CAMTA1: variants seen among roughly 807,000 people sequenced by gnomAD.
The protein encoded by CAMTA1 is calmodulin binding transcription activator 1, also known as calmodulin-binding transcription activator 1.
In CAMTA1, 27 loss-of-function variants were observed where a neutral mutation model predicts 170.9. The observed-to-expected ratio is 0.16, with a 90% CI of 0.12 to 0.22. The LOEUF (loss-of-function observed/expected upper bound fraction) is 0.22. Ranked by LOEUF, CAMTA1 falls within the 10% of genes least tolerant of loss-of-function variation. CAMTA1 has a pLI of 1.00. For missense variants in CAMTA1, 1,619 were observed against 2,217.2 expected, an observed-to-expected ratio of 0.73 and a Z score of 5.42; for synonymous variants, 833 against 891.5, an observed-to-expected ratio of 0.93 and a Z score of 1.17.
intron 6 of CAMTA1, among the ~76,000 whole-genome samples, chr1:7,606,475 G>T (rs552153469): frequency 6.6e-6 from 1 of 152,324 alleles, no homozygotes; most frequent in African/African-American, 2.4e-5. Context: ...TAAATAACCA[G>T]AAACTTGCTG....
intron 4 of CAMTA1, among the ~76,000 whole-genome samples, chr1:7,245,484 CTAGA>C (rs1463131144): frequency 1.3e-5 from 2 of 151,736 alleles, no homozygotes; most frequent in Admixed American, 6.6e-5. Flanking sequence ...TCTTTCTTGG[CTAGA>C]TAATTAAAAT....
intron 4 of CAMTA1, among the ~76,000 whole-genome samples, chr1:7,204,559 T>C (rs549618161): frequency 1.8e-4 from 27 of 152,248 alleles, no homozygotes; most frequent in Non-Finnish European, 3.4e-4. Flanking sequence ...TATTGAGGTA[T>C]GTTTTATGGC....
At position 7,732,363 on chromosome 1, in the gene CAMTA1, G is replaced by A; in HGVS notation, c.2915-85G>A. The A allele has an allele frequency of 8.5e-7, 1 of 1,178,876 alleles. No homozygotes were observed. Among genetic ancestry groups the A allele is most frequent in the East Asian group, 2.4e-5 (1 of 42,466 alleles). 73.0% of individuals were successfully genotyped at this position (1,178,876 alleles called of 1,614,324 possible). ...GTGAAGTTACGGACGGCATTTGGATGCTGGTCCCGCAAGGCTGGCGAGGCC... is the reference window on the plus strand; with the variant it reads ...GTGAAGTTACGGACGGCATTTGGATACTGGTCCCGCAAGGCTGGCGAGGCC... On this transcript the variant is annotated intron_variant, in intron 11 of 22. Coordinates refer to ENST00000303635, the MANE Select transcript of CAMTA1 (RefSeq NM_015215.4). This position sits in a 1 kb window ranked among gnomAD's most constrained non-coding sequence, Gnocchi z 4.1.
chr1:7,684,099 A>C (rs886785127), intron 11 of CAMTA1, among the ~76,000 whole-genome samples: 3 of 152,162 alleles, frequency 2.0e-5, no homozygotes, highest in Non-Finnish European at 4.4e-5. Flanking sequence ...GCCTCCTTGG[A>C]GCAGTGGCAA....
intron 3 of CAMTA1, among the ~76,000 whole-genome samples, chr1:6,967,436 G>A (rs1054464839): frequency 9.2e-5 from 14 of 152,110 alleles, no homozygotes; most frequent in African/African-American, 3.1e-4. Flanking sequence ...CCCCACCCGC[G>A]AATGTGGCCT....
chr1:7,211,838 C>T (rs1658823805), intron 4 of CAMTA1, among the ~76,000 whole-genome samples: 1 of 152,178 alleles, frequency 6.6e-6, no homozygotes, highest in South Asian at 2.1e-4. Context: ...TACACAAACA[C>T]ATATATATCC....
chr1:6,885,605 A>G (rs951772163), intron 3 of CAMTA1, among the ~76,000 whole-genome samples: 1 of 152,220 alleles, frequency 6.6e-6, no homozygotes, highest in Non-Finnish European at 1.5e-5. Context: ...CAGGCTGCAG[A>G]GTCCACATGC....
At chr1:7,080,373 A>T (rs985798734) in intron 3 of CAMTA1, among the ~76,000 whole-genome samples, 1 of 152,198 alleles carries the variant, frequency 6.6e-6, no homozygotes, top group African/African-American at 2.4e-5. Context: ...GCTGGCATCT[A>T]GGAAACTTGC....
chr1:7,067,017 G>T lies in CAMTA1; in HGVS notation c.235-24287G>T, dbSNP rs564123058. ...ATATGTAAGCAGTTGACTCCTGCTG[G>T]ATGGGCACATAAACTGGGTGTCATG... is the stretch of plus-strand genomic sequence containing the variant. On this transcript the variant is annotated intron_variant, in intron 3 of 22. Coordinates refer to ENST00000303635, the MANE Select transcript of CAMTA1 (RefSeq NM_015215.4). This position sits in a 1 kb window ranked among gnomAD's most constrained non-coding sequence, Gnocchi z 4.3. 1.4e-3 allele frequency among the ~76,000 whole-genome samples: 206 copies of T among 152,362 alleles called. No individual in the cohort carries two copies. Among genetic ancestry groups the T allele is most frequent in the Non-Finnish European group, 2.5e-3 (169 of 68,034 alleles).
intron 3 of CAMTA1, among the ~76,000 whole-genome samples, chr1:7,027,207 A>G (rs1156320388): frequency 6.6e-6 from 1 of 152,150 alleles, no homozygotes; most frequent in Non-Finnish European, 1.5e-5. Flanking sequence ...AAAGTAGAAA[A>G]AAAAGAAATG....
chr1:7,658,144 C>A (rs958006467), intron 7 of CAMTA1, among the ~76,000 whole-genome samples: 19 of 152,218 alleles, frequency 1.2e-4, no homozygotes, highest in Admixed American at 2.0e-4. Flanking sequence ...GAAAACAGCT[C>A]ATCTCCACAG....
chr1:7,302,231 T>C (rs1674877558), intron 5 of CAMTA1, among the ~76,000 whole-genome samples: 1 of 152,190 alleles, frequency 6.6e-6, no homozygotes, highest in Non-Finnish European at 1.5e-5. Context: ...CTGGCTGGCA[T>C]TGGGCTTCTG....
At chr1:7,531,070 G>A (rs568532872) in intron 6 of CAMTA1, among the ~76,000 whole-genome samples, 1 of 151,236 alleles carries the variant, frequency 6.6e-6, no homozygotes, top group South Asian at 2.1e-4. Context: ...GTATGCCTCG[G>A]CCTCCCAAAA....
intron 3 of CAMTA1, among the ~76,000 whole-genome samples, chr1:6,905,878 G>A (rs980415523): frequency 6.6e-6 from 1 of 152,170 alleles, no homozygotes; most frequent in Non-Finnish European, 1.5e-5. Context: ...GTTGCTGCCT[G>A]TGGACCCTAT....
intron 5 of CAMTA1, among the ~76,000 whole-genome samples, chr1:7,254,993 C>T (rs1667148744): frequency 6.6e-6 from 1 of 152,188 alleles, no homozygotes; most frequent in Non-Finnish European, 1.5e-5. Context: ...GTTTCACATA[C>T]AATACGTATT....
rs1041220251 is a variant in CAMTA1, at chr1:7,029,274, G to A, written c.235-62030G>A. On this transcript the variant is annotated intron_variant, in intron 3 of 22. Coordinates refer to ENST00000303635, the MANE Select transcript of CAMTA1 (RefSeq NM_015215.4). ...CCCAGCACTTTGGGAGGCTGAGGCG[G>A]GTGGATCACAAGGTCAGGAGATCGA... 4.6e-5 allele frequency among the ~76,000 whole-genome samples: 7 copies of A among 152,080 alleles called. No individual in the cohort carries two copies. The East Asian group carries it at 9.7e-4, about 21-fold the overall frequency.
At chr1:7,511,530 G>A (rs1048328224) in intron 6 of CAMTA1, among the ~76,000 whole-genome samples, 2 of 152,098 alleles carry the variant, frequency 1.3e-5, no homozygotes, top group Admixed American at 1.3e-4. Context: ...TATGTCTGTG[G>A]CTGTCTCTCC....
chr1:7,584,182 C>T (rs1005751067), intron 6 of CAMTA1, among the ~76,000 whole-genome samples: 3 of 152,048 alleles, frequency 2.0e-5, no homozygotes, highest in Non-Finnish European at 4.4e-5. Flanking sequence ...ATTCCAGGGG[C>T]GCCATGACTG....
Position 7,753,752 on chromosome 1 carries a change from A to G in CAMTA1, c.4958+1219A>G, listed in dbSNP as rs2096913518. On this transcript the variant is annotated intron_variant, in intron 21 of 22. Coordinates refer to ENST00000303635, the MANE Select transcript of CAMTA1 (RefSeq NM_015215.4). ...CTAAGATAGATGGTTTTCCCCAGCT[A>G]TGATGCCATGCAGAAGCTAATGTTC... Among the ~76,000 whole-genome samples, 2 of 152,242 alleles carry G rather than the reference A, an allele frequency of 1.3e-5. 1 individual carries two copies. The highest frequency in any genetic ancestry group is 1.3e-4 in the Admixed American group (2 of 15,282).
Sources: gnomAD v4.1 joint callset for allele counts (sites outside exome capture counted in the v4.1 genomes callset) on GRCh38, gnomAD v4.1.1 for gene constraint, Gnocchi (gnomAD v3.1) non-coding constraint, MANE v1.5 for transcripts, NCBI Gene and HGNC (gene_info 2026-07-23, HGNC 2026-07-21) for gene names.